PTPRQ: variants seen among roughly 807,000 people sequenced by gnomAD.
PTPRQ encodes the protein phosphatidylinositol phosphatase PTPRQ.
In PTPRQ, 199 loss-of-function variants were observed where a neutral mutation model predicts 246.0. That is an observed-to-expected ratio of 0.81 (90% CI 0.72 to 0.91). The LOEUF (loss-of-function observed/expected upper bound fraction) is 0.91, where lower values mean the gene tolerates loss of function less well. Among genes scored for constraint, PTPRQ ranks in the 40% least tolerant of loss-of-function variants. The pLI is 0.00. For synonymous variants in PTPRQ, 869 were observed against 853.2 expected (o/e 1.02, Z -0.32); for missense variants, 2,624 against 2,528.4 (o/e 1.04, Z -0.81).
intron 35 of PTPRQ, among the ~76,000 whole-genome samples, chr12:80,645,968 G>A (rs943551591): frequency 3.9e-5 from 6 of 152,020 alleles, no homozygotes; most frequent in Admixed American, 2.6e-4. Flanking sequence ...TTGGGATCTC[G>A]AATTGAGAGC....
At chr12:80,466,303 T>C (rs1565723856) in intron 6 of PTPRQ, among the ~76,000 whole-genome samples, 1 of 152,166 alleles carries the variant, frequency 6.6e-6, no homozygotes, top group African/African-American at 2.4e-5. Context: ...TTACAAGGGA[T>C]GTGAAGGACC....
rs1901234533 is a variant in PTPRQ, at chr12:80,678,992, T to C, written c.6869T>C (p.Val2290Ala). 4 of 1,546,964 alleles carry C rather than the reference T, an allele frequency of 2.6e-6. No individual in the cohort carries two copies. The highest frequency in any genetic ancestry group is 4.0e-5 in the Admixed American group (2 of 50,350). Reference sequence around the variant, plus strand: ...ATGTTACTTTCTGTTATAGGTGATGTTGAGCTTGAATGGGAAGAAACCACT... The same window carrying C: ...ATGTTACTTTCTGTTATAGGTGATGCTGAGCTTGAATGGGAAGAAACCACT... ...MDSLDAMEGD[V>A]ELEWEETTM Residue 2290 changes from valine (V) to alanine (A), a missense_variant, in exon 45 of 45, where the codon GTT becomes GCT. Physicochemically the swap from Val to Ala is moderately conservative, Grantham distance 64 (BLOSUM62 0). Transcript: ENST00000644991.
chr12:80,523,382 TTAG>T (rs1166928403), intron 17 of PTPRQ, among the ~76,000 whole-genome samples: 2 of 152,200 alleles, frequency 1.3e-5, no homozygotes, highest in Non-Finnish European at 1.5e-5. Context: ...TGCTCTGATC[TTAG>T]TTATTTCTTG....
chr12:80,665,943 AACAAAT>A (rs1900773028), intron 39 of PTPRQ, among the ~76,000 whole-genome samples: 2 of 152,050 alleles, frequency 1.3e-5, no homozygotes, highest in Non-Finnish European at 2.9e-5. Flanking sequence ...ACAAAAAAAT[AACAAAT>A]GCCAGCAAGA....
intron 17 of PTPRQ, among the ~76,000 whole-genome samples, chr12:80,516,468 A>T (rs952698391): frequency 6.6e-6 from 1 of 152,226 alleles, no homozygotes. Flanking sequence ...GAGATATATA[A>T]CATACAGCAC....
chr12:80,635,141 G>A, intron 35 of PTPRQ, 68 bp downstream of exon 35: 3 of 1,502,706 alleles, frequency 2.0e-6, no homozygotes, highest in Non-Finnish European at 2.7e-6. Flanking sequence ...TCTGACCTAT[G>A]CTTGTTGGAA....
intron 26 of PTPRQ, among the ~76,000 whole-genome samples, chr12:80,593,302 A>G (rs1897863860): frequency 6.6e-6 from 1 of 152,162 alleles, no homozygotes; most frequent in African/African-American, 2.4e-5. Flanking sequence ...TTTAATAATA[A>G]ATATTATAAA....
chr12:80,613,721 G>A lies in PTPRQ; in HGVS notation c.5048G>A (p.Arg1683Gln), dbSNP rs777630242. The A allele has an allele frequency of 2.7e-5, 41 of 1,545,848 alleles. No individual in the cohort carries two copies. Among genetic ancestry groups the A allele is most frequent in the Non-Finnish European group, 3.3e-5 (38 of 1,143,206 alleles). ...NIQVYQALVY[R>Q]EDDPTAVQIH... Reference sequence around the variant, plus strand: ...CAAGTATATCAAGCTCTGGTTTACCGAGAAGATGATCCTACTGCTGTCCAG... The same window carrying A: ...CAAGTATATCAAGCTCTGGTTTACCAAGAAGATGATCCTACTGCTGTCCAG... The change falls in exon 29 of 45, where the codon CGA (arginine) becomes CAA (glutamine). Residue 1683 changes from arginine to glutamine, a missense_variant. Coordinates refer to ENST00000644991, the MANE Select transcript of PTPRQ (RefSeq NM_001145026.2).
chr12:80,517,652 C>G (rs1250735859), intron 17 of PTPRQ, among the ~76,000 whole-genome samples: 1 of 151,518 alleles, frequency 6.6e-6, no homozygotes, highest in African/African-American at 2.4e-5. Flanking sequence ...CCCCACCCCT[C>G]CTCACTACCC....
chr12:80,656,676 A>G (rs1900449344), intron 38 of PTPRQ, among the ~76,000 whole-genome samples: 1 of 152,078 alleles, frequency 6.6e-6, no homozygotes, highest in Non-Finnish European at 1.5e-5. Flanking sequence ...TCTAAAAAGT[A>G]GTAATTAGAA....
intron 17 of PTPRQ, among the ~76,000 whole-genome samples, chr12:80,526,887 A>G (rs7316325): frequency 0.18 from 26,739 of 151,998 alleles, 2,535 homozygotes; most frequent in Middle Eastern, 0.23. Flanking sequence ...AAAATGAAAG[A>G]AAATATCTTT....
intron 17 of PTPRQ, among the ~76,000 whole-genome samples, chr12:80,532,994 G>A (rs1303575426): frequency 6.6e-6 from 1 of 152,120 alleles, no homozygotes; most frequent in African/African-American, 2.4e-5. Flanking sequence ...CAATGGTAAA[G>A]AAAGAGCTTT....
At chr12:80,574,992 GT>G (rs1044824992) in intron 25 of PTPRQ, among the ~76,000 whole-genome samples, 56 of 151,916 alleles carry the variant, frequency 3.7e-4, no homozygotes, top group African/African-American at 1.2e-3. Flanking sequence ...CAATAGCTGC[GT>G]TTTTTTTCCT....
chr12:80,678,770 C>T, intron 44 of PTPRQ, 45 bp downstream of exon 44: 2 of 1,499,508 alleles, frequency 1.3e-6, no homozygotes, highest in South Asian at 2.7e-5. Flanking sequence ...AGTTTACCAC[C>T]TACGGTAAGA....
chr12:80,471,540 G>C (rs4609663), intron 7 of PTPRQ, among the ~76,000 whole-genome samples: 9,196 of 30,314 alleles, frequency 0.3, 2,068 homozygotes, highest in African/African-American at 0.5. Context: ...TGCAGTGGCG[G>C]GATCTCGGCT....
intron 41 of PTPRQ, 149 bp downstream of exon 41, chr12:80,669,613 A>C (rs1900904481): frequency 3.3e-6 from 4 of 1,202,686 alleles, no homozygotes; most frequent in Middle Eastern, 2.8e-4. Context: ...CAGAATTTTG[A>C]ATCGATATCC....
At chr12:80,490,067 C>T (rs1894398054) in intron 9 of PTPRQ, among the ~76,000 whole-genome samples, 1 of 151,856 alleles carries the variant, frequency 6.6e-6, no homozygotes, top group Non-Finnish European at 1.5e-5. Flanking sequence ...TTAGGAATGT[C>T]TTGAGATAGG....
intron 23 of PTPRQ, among the ~76,000 whole-genome samples, chr12:80,545,193 T>G (rs1006411059): frequency 2.6e-5 from 4 of 152,096 alleles, no homozygotes; most frequent in Non-Finnish European, 5.9e-5. Context: ...CTAGTTAATA[T>G]AAAAATTCCT....
intron 25 of PTPRQ, among the ~76,000 whole-genome samples, chr12:80,565,974 T>G (rs1286581599): frequency 6.6e-6 from 1 of 152,188 alleles, no homozygotes; most frequent in African/African-American, 2.4e-5. Context: ...AAAGTAGCAT[T>G]TTTTAGTATA....
Sources: gnomAD v4.1 joint callset for allele counts (sites outside exome capture counted in the v4.1 genomes callset) on GRCh38, gnomAD v4.1.1 for gene constraint, MANE v1.5 for transcripts, NCBI Gene and HGNC (gene_info 2026-07-23, HGNC 2026-07-21) for gene names.